USP47: variants seen among roughly 807,000 people sequenced by gnomAD.
The protein encoded by USP47 is ubiquitin specific peptidase 47, also known as ubiquitin carboxyl-terminal hydrolase 47.
A neutral mutation model predicts 165.1 loss-of-function variants in USP47; 35 were observed. The ratio of observed to expected loss-of-function variants is 0.21; its 90% confidence interval spans 0.16 to 0.28. USP47 has a LOEUF of 0.28. USP47 is among the 10% of genes least tolerant of loss of function. The pLI, the probability that USP47 is intolerant of heterozygous loss-of-function variation, is 1.00. For missense variants in USP47, 1,277 were observed against 1,607.4 expected (o/e 0.79, Z 3.52); for synonymous variants, 531 against 544.5 (o/e 0.98, Z 0.35).
chr11:11,847,263 G>C (rs1036476556), intron 1 of USP47, among the ~76,000 whole-genome samples: 1 of 151,550 alleles, frequency 6.6e-6, no homozygotes, highest in East Asian at 1.9e-4. Context: ...TGTAGTTTTG[G>C]GGGTATTTAC....
At position 11,956,276 on chromosome 11, in the gene USP47, C is replaced by A; in HGVS notation, c.*101C>A. 1 of 1,280,750 alleles carries A rather than the reference C, an allele frequency of 7.8e-7. No homozygotes were observed. The highest frequency in any genetic ancestry group is 1.1e-6 in the Non-Finnish European group (1 of 905,772). The allele number at this position is 1,280,750 out of a possible 1,614,324, so 79.3% of individuals were successfully genotyped here. On this transcript the variant is annotated 3_prime_UTR_variant, in exon 28 of 28. Transcript: ENST00000527733. ...TTTGGCCGGACATGGTTGGGGTAAC[C>A]CAGTGACACCAGCACTGATTGGACT...
intron 1 of USP47, among the ~76,000 whole-genome samples, chr11:11,860,021 GT>G (rs1214953750): frequency 1.5e-4 from 23 of 151,092 alleles, no homozygotes; most frequent in African/African-American, 4.9e-4. Flanking sequence ...GAAGAATTGC[GT>G]GAACCCGGGA....
intron 8 of USP47, among the ~76,000 whole-genome samples, chr11:11,910,714 T>C (rs1362349755): frequency 6.6e-6 from 1 of 152,120 alleles, no homozygotes; most frequent in Non-Finnish European, 1.5e-5. Flanking sequence ...ATAGGCCAAG[T>C]GGGAAACCTG....
chr11:11,843,919 A>G (rs1848285620), intron 1 of USP47, among the ~76,000 whole-genome samples: 1 of 152,040 alleles, frequency 6.6e-6, no homozygotes, highest in Non-Finnish European at 1.5e-5. Context: ...CTTTTTATGG[A>G]CCATATGCCT....
At chr11:11,844,044 C>A (rs1231146609) in intron 1 of USP47, among the ~76,000 whole-genome samples, 4 of 152,030 alleles carry the variant, frequency 2.6e-5, no homozygotes, top group African/African-American at 9.7e-5. Context: ...CTAGCTTTTT[C>A]TTCTTTGATG....
At position 11,934,759 on chromosome 11, in the gene USP47, ATGGGGTCAC is replaced by A. The variant is rs201561172; in HGVS notation, c.1869+827_1869+835del. The stretch of plus-strand genomic sequence containing the variant: ...GTTATTAATGAGGTTTGAAAGGCAA[ATGGGGTCAC>A]TGCTGTTTCACCAGATCATTCTAAA... On this transcript the variant is annotated intron_variant, in intron 16 of 27. Transcript: ENST00000527733. 8.5e-3 allele frequency among the ~76,000 whole-genome samples: 1,294 copies of A among 152,222 alleles called. 11 individuals carry two copies. The highest frequency in any genetic ancestry group is 0.029 in the African/African-American group (1,224 of 41,534).
At chr11:11,875,529 T>C (rs1169574631) in intron 1 of USP47, among the ~76,000 whole-genome samples, 3 of 152,196 alleles carry the variant, frequency 2.0e-5, no homozygotes, top group African/African-American at 7.2e-5. Context: ...AGTGTATCTT[T>C]GGAAGAAAAC....
intron 16 of USP47, among the ~76,000 whole-genome samples, chr11:11,934,607 C>T (rs1381513802): frequency 2.0e-5 from 3 of 151,976 alleles, no homozygotes; most frequent in Non-Finnish European, 4.4e-5. Context: ...ATGCTTGGCA[C>T]GTTTAAGAAA....
chr11:11,846,642 T>C (rs1225242438), intron 1 of USP47, among the ~76,000 whole-genome samples: 1 of 152,158 alleles, frequency 6.6e-6, no homozygotes, highest in African/African-American at 2.4e-5. Context: ...CCAGATACTG[T>C]TGGTTGTGCT....
Position 11,920,328 on chromosome 11 carries a change from T to G in USP47, c.1066-14T>G. 1 of 1,606,224 alleles carries G rather than the reference T, an allele frequency of 6.2e-7. No homozygotes were observed. Among genetic ancestry groups the G allele is most frequent in the Non-Finnish European group, 8.5e-7 (1 of 1,176,984 alleles). On this transcript the variant is annotated splice_polypyrimidine_tract_variant and intron_variant, in intron 9 of 27. Transcript: ENST00000527733. ...TTCAATAGACTCTCCCCCTTTTTGT[T>G]GTTTGTTTTTTAGGGCCTTCGGTTT...
At chr11:11,874,171 T>A (rs1311314639) in intron 1 of USP47, among the ~76,000 whole-genome samples, 1 of 152,218 alleles carries the variant, frequency 6.6e-6, no homozygotes, top group African/African-American at 2.4e-5. Flanking sequence ...TTTAGGAAAT[T>A]AAATCATTTA....
In USP47 at chr11:11,942,968, AAAG is replaced by A. The variant is rs775029847; in HGVS notation, c.2950_2952del (p.Glu984del). On this transcript the variant is annotated inframe_deletion, in exon 20 of 28. Coordinates refer to ENST00000527733, the MANE Select transcript of USP47 (RefSeq NM_001282659.2). ...AAGAACGAAAGCAAATGAAGGGAAA[AAAG>A]AAACATGGGATACAGCAGAAGAAGA... 6.2e-7 allele frequency: 1 copy of A among 1,613,608 alleles called. No individual in the cohort carries two copies. The highest frequency in any genetic ancestry group is 8.5e-7 in the Non-Finnish European group (1 of 1,179,692).
intron 1 of USP47, among the ~76,000 whole-genome samples, chr11:11,853,744 T>C (rs61870713): frequency 0.017 from 2,563 of 152,340 alleles, 34 homozygotes; most frequent in Middle Eastern, 0.034. Context: ...GTTATTGATA[T>C]AACCTGCTGT....
intron 8 of USP47, among the ~76,000 whole-genome samples, chr11:11,913,364 G>T (rs1051868749): frequency 6.6e-6 from 1 of 150,478 alleles, no homozygotes; most frequent in Non-Finnish European, 1.5e-5. Flanking sequence ...TACTAACAAT[G>T]AACATGTAGA....
rs773900527 is a variant in USP47 at position 11,956,093 on chromosome 11, G to A, written c.3986G>A (p.Arg1329His). ...AGTCGACTCCAGAAGACTGGACATC[G>A]TGTAACATACTCACCTCGTAAAGAG... ...ESSRLQKTGH[R>H]VTYSPRKEKA... is the part of the protein sequence containing the mutation. The change falls in exon 28 of 28, where the codon CGT becomes CAT. Residue 1329 changes from arginine (R) to histidine (H), a missense_variant. Physicochemically the swap from Arg to His is conservative, Grantham distance 29 (BLOSUM62 0). Coordinates refer to ENST00000527733, the MANE Select transcript of USP47 (RefSeq NM_001282659.2). The A allele has an allele frequency of 1.2e-5, 19 of 1,612,630 alleles. No homozygotes were observed. Among genetic ancestry groups the A allele is most frequent in the South Asian group, 5.5e-5 (5 of 90,808 alleles).
chr11:11,902,228 A>G (rs1053562238), intron 5 of USP47, among the ~76,000 whole-genome samples: 2 of 152,174 alleles, frequency 1.3e-5, no homozygotes, highest in East Asian at 1.9e-4. Context: ...TTCTTAATCT[A>G]TTTAATTTGT....
chr11:11,932,575 G>C (rs1223925926), intron 14 of USP47, among the ~76,000 whole-genome samples: 2 of 152,116 alleles, frequency 1.3e-5, no homozygotes, highest in Non-Finnish European at 2.9e-5. Flanking sequence ...TGTATCTCAG[G>C]TAGTAACTTT....
chr11:11,955,977 A>C (rs374919910), intron 27 of USP47, 24 bp from the exon 28 acceptor site: 103 of 1,522,560 alleles, frequency 6.8e-5, no homozygotes, highest in Non-Finnish European at 9.0e-5. Flanking sequence ...CTGGACTAAT[A>C]TGTGATTAAT....
At chr11:11,870,661 G>A (rs1233230560) in intron 1 of USP47, among the ~76,000 whole-genome samples, 2 of 152,028 alleles carry the variant, frequency 1.3e-5, no homozygotes, top group African/African-American at 2.4e-5. Flanking sequence ...CTGGTTTGAC[G>A]GTTATTTTTT....
Sources: allele counts gnomAD v4.1 joint callset (sites outside exome capture counted in the v4.1 genomes callset), GRCh38; gene constraint gnomAD v4.1.1; transcripts MANE v1.5; gene names NCBI Gene and HGNC (gene_info 2026-07-23, HGNC 2026-07-21).